The following KIAA1755 variants were observed in gnomAD, a reference collection of about 807,000 sequenced individuals.
KIAA1755 encodes uncharacterized protein KIAA1755.
In KIAA1755, 68 loss-of-function variants were observed where a neutral mutation model predicts 91.7. That is an observed-to-expected ratio of 0.74 (90% CI 0.61 to 0.91). The LOEUF is 0.91. Among genes scored for constraint, KIAA1755 ranks in the 40% least tolerant of loss-of-function variants. The pLI is 0.00. For missense variants in KIAA1755, 1,535 were observed against 1,494.4 expected, an observed-to-expected ratio of 1.03 and a Z score of -0.45; for synonymous variants, 610 against 604.6, an observed-to-expected ratio of 1.01 and a Z score of -0.13.
At chr20:38,222,390 C>T in intron 10 of KIAA1755, 59 bp downstream of exon 10, 2 of 1,568,778 alleles carry the variant, frequency 1.3e-6, no homozygotes, top group Non-Finnish European at 8.7e-7. Flanking sequence ...GGTCCCAGCT[C>T]CAAGCTCCTG....
rs761836523 is a variant in KIAA1755, at chr20:38,213,223, C to A, written c.3422G>T (p.Gly1141Val). The change falls in exon 14 of 14, where the codon GGC (glycine) becomes GTC (valine). Residue 1141 changes from glycine to valine, a missense_variant. Physicochemically the swap from Gly to Val is moderately radical, Grantham distance 109. Coordinates refer to ENST00000279024, the MANE Select transcript of KIAA1755 (RefSeq NM_001029864.2). Reference protein sequence around the residue: ...GQAAEAEDGKGSHKLPDPARE... With the variant: ...GQAAEAEDGKVSHKLPDPARE... Reference sequence around the variant, plus strand: ...GGCAGGGTCAGGCAGCTTGTGGGAGCCTTTGCCGTCTTCAGCCTCTGCAGC... The same window carrying A: ...GGCAGGGTCAGGCAGCTTGTGGGAGACTTTGCCGTCTTCAGCCTCTGCAGC... The A allele has an allele frequency of 5.6e-6, 9 of 1,613,026 alleles. No homozygotes were observed. Among genetic ancestry groups the A allele is most frequent in the African/African-American group, 5.3e-5 (4 of 74,944 alleles).
At chr20:38,242,340 T>G (rs1286949303) in intron 2 of KIAA1755, among the ~76,000 whole-genome samples, 1 of 152,216 alleles carries the variant, frequency 6.6e-6, no homozygotes, top group Admixed American at 6.5e-5. Context: ...TTGTGCAAAT[T>G]GCTTAACTTC....
chr20:38,239,518 C>T lies in KIAA1755; in HGVS notation c.1747+10G>A, dbSNP rs771279668. ...CCTCCCTACCACCTCCTGCTTGAAT[C>T]CCCTGGAACCTGGCAGGCATGCTAT... On this transcript the variant is annotated intron_variant, in intron 4 of 13. Coordinates refer to ENST00000279024, the MANE Select transcript of KIAA1755 (RefSeq NM_001029864.2). 4 of 1,613,204 alleles carry T rather than the reference C, an allele frequency of 2.5e-6. No individual in the cohort carries two copies. Among genetic ancestry groups the T allele is most frequent in the East Asian group, 2.2e-5 (1 of 44,824 alleles).
intron 3 of KIAA1755, 21 bp from the exon 4 acceptor site, chr20:38,239,746 A>G (rs1172925184): frequency 6.2e-7 from 1 of 1,606,240 alleles, no homozygotes; most frequent in South Asian, 1.1e-5. Context: ...GCAACAACAA[A>G]GAAAAGGACG....
At position 38,217,458 on chromosome 20, in the gene KIAA1755, C is replaced by T. The variant is rs756831857; in HGVS notation, c.2696G>A (p.Gly899Asp). The change falls in exon 13 of 14, where the codon GGC becomes GAC. Residue 899 changes from glycine to aspartate, a missense_variant. Physicochemically the swap from Gly to Asp is moderately conservative, Grantham distance 94. Coordinates refer to ENST00000279024, the MANE Select transcript of KIAA1755 (RefSeq NM_001029864.2). Reference protein sequence around the residue: ...FLQAAAQYRRGLELSKQAAQL... With the variant: ...FLQAAAQYRRDLELSKQAAQL... Reference sequence around the variant, plus strand: ...AGCGGCCTGCTTGGACAGCTCCAGGCCTCGGCGGTACTGGGCCTGAGAGGG... The same window carrying T: ...AGCGGCCTGCTTGGACAGCTCCAGGTCTCGGCGGTACTGGGCCTGAGAGGG... The T allele has an allele frequency of 6.2e-6, 10 of 1,608,688 alleles. No individual in the cohort carries two copies. In the Admixed American group the frequency reaches 1.7e-4, roughly 27 times the overall value.
chr20:38,236,857 A>C (rs2123201442), intron 4 of KIAA1755: 1 of 152,284 alleles, frequency 6.6e-6, no homozygotes, highest in Middle Eastern at 3.4e-3. Context: ...ACGGGGGCCT[A>C]GAATAGCTCA....
At position 38,212,720 on chromosome 20, in the gene KIAA1755, C is replaced by T. The variant is rs541279585; in HGVS notation, c.*322G>A. On this transcript the variant is annotated 3_prime_UTR_variant, in exon 14 of 14. Coordinates refer to ENST00000279024, the MANE Select transcript of KIAA1755 (RefSeq NM_001029864.2). ...CTGCAGGTGGGTGTCTGCCTGCCTG[C>T]GAGCGAGACCTCTGGAGGGGTCTGT... 6 of 232,346 alleles carry T rather than the reference C, an allele frequency of 2.6e-5. No individual in the cohort carries two copies. The highest frequency in any genetic ancestry group is 1.4e-4 in the South Asian group (1 of 7,244). 14.4% of individuals were successfully genotyped at this position (232,346 alleles called of 1,614,324 possible). A position where few individuals can be genotyped will look rare whatever the true frequency, so the allele number is the denominator to read the frequency against.
rs772495335 is a variant in KIAA1755 at position 38,213,152 on chromosome 20, TG to T, written c.3492del (p.Arg1165GlyfsTer38). ...GTGAGGCGAGGGACCTGGCTCTGCC[TG>T]GGGGGCTGCTGCCGGAAGAAGGTGG... ...LATTFFRQQP[P>X]RQSQVPRLTG... On this transcript the variant is annotated frameshift_variant, in exon 14 of 14. Transcript: ENST00000279024. LOFTEE classifies it high-confidence loss of function. 5.6e-6 allele frequency: 9 copies of T among 1,613,400 alleles called. No homozygotes were observed. Among genetic ancestry groups the T allele is most frequent in the Non-Finnish European group, 7.6e-6 (9 of 1,179,784 alleles).
intron 12 of KIAA1755, chr20:38,217,693 T>A: frequency 1.7e-6 from 1 of 586,254 alleles, no homozygotes; most frequent in South Asian, 2.1e-5. Context: ...CTTCTGGAAG[T>A]CTCCAGGCCC....
Position 38,246,120 on chromosome 20 carries a change from G to A in KIAA1755, c.10C>T (p.Pro4Ser). Residue 4 changes from proline to serine, a missense_variant, in exon 2 of 14, where the codon CCA (proline) becomes TCA (serine). Transcript: ENST00000279024. ...TGCTGGATGGCTGTGTCGAGGGATG[G>A]AGGGTCCTGTGGGGGACAGGAGGAG... MDP[P>S]SLDTAIQHAL... The A allele has an allele frequency of 6.2e-7, 1 of 1,612,984 alleles. No homozygotes were observed. Among genetic ancestry groups the A allele is most frequent in the South Asian group, 1.1e-5 (1 of 91,008 alleles).
chr20:38,222,852 C>T (rs1010710074), intron 9 of KIAA1755: 10 of 573,874 alleles, frequency 1.7e-5, no homozygotes, highest in African/African-American at 1.7e-4. Context: ...CCCTGCTGCC[C>T]TCTGGCTCCC....
At chr20:38,218,643 G>C (rs2075597900) in intron 11 of KIAA1755, among the ~76,000 whole-genome samples, 1 of 152,228 alleles carries the variant, frequency 6.6e-6, no homozygotes, top group Non-Finnish European at 1.5e-5. Context: ...GAAGGCACAG[G>C]GTGGTGAACT....
At position 38,252,446 on chromosome 20, in the gene KIAA1755, G is replaced by A. The variant is rs542980574; in HGVS notation, c.4-6320C>T. ...CACAACGATGCCAGGAGCCAAGTAG[G>A]AATGACCCGTTTTGCAAGTCAAGAA... On this transcript the variant is annotated intron_variant, in intron 1 of 13. Coordinates refer to ENST00000279024, the MANE Select transcript of KIAA1755 (RefSeq NM_001029864.2). Among the ~76,000 whole-genome samples, 3 of 152,198 alleles carry A rather than the reference G, an allele frequency of 2.0e-5. No homozygotes were observed. The South Asian group carries it at 6.2e-4, about 32-fold the overall frequency.
chr20:38,221,471 T>C (rs572297514), intron 10 of KIAA1755, among the ~76,000 whole-genome samples: 9 of 152,154 alleles, frequency 5.9e-5, no homozygotes, highest in Non-Finnish European at 1.2e-4. Context: ...TCAAGTCTAG[T>C]GCAGCTCTGG....
At chr20:38,242,402 T>C (rs985259891) in intron 2 of KIAA1755, among the ~76,000 whole-genome samples, 1 of 152,244 alleles carries the variant, frequency 6.6e-6, no homozygotes, top group Non-Finnish European at 1.5e-5. Context: ...CATGTCAGTA[T>C]TACTGGGTTG....
In KIAA1755 at chr20:38,213,516, C is replaced by G; in HGVS notation, c.3129G>C (p.Glu1043Asp). 1.2e-6 allele frequency: 2 copies of G among 1,610,540 alleles called. No individual in the cohort carries two copies. Among genetic ancestry groups the G allele is most frequent in the Non-Finnish European group, 1.7e-6 (2 of 1,178,972 alleles). Reference protein sequence around the residue: ...LWEEARIRHEEIRMLLEKALT... With the variant: ...LWEEARIRHEDIRMLLEKALT... ...GTGCCTTCTCCAGGAGCATCCGGATCTCCTCATGCCTGATCCGGGCCTCCT... is the reference window on the plus strand; with the variant it reads ...GTGCCTTCTCCAGGAGCATCCGGATGTCCTCATGCCTGATCCGGGCCTCCT... The change falls in exon 14 of 14, where the codon GAG becomes GAC. Residue 1043 changes from glutamate to aspartate, a missense_variant. Glu to Asp is a conservative substitution (Grantham distance 45). Transcript: ENST00000279024.
chr20:38,228,237 A>AG lies in KIAA1755; in HGVS notation c.1874dup (p.Glu626Ter). ...CCGCCAGCCCCTTGGCTTTATCTTC[A>AG]GGCCTGTGGGTGGTAAACAGAATTG... On this transcript the variant is annotated frameshift_variant, in exon 6 of 14. Coordinates refer to ENST00000279024, the MANE Select transcript of KIAA1755 (RefSeq NM_001029864.2). LOFTEE classifies it high-confidence loss of function. 1 of 1,597,180 alleles carries AG rather than the reference A, an allele frequency of 6.3e-7. No individual in the cohort carries two copies. Among genetic ancestry groups the AG allele is most frequent in the Non-Finnish European group, 8.5e-7 (1 of 1,172,864 alleles).
At chr20:38,246,339 C>T (rs2076160552) in intron 1 of KIAA1755, among the ~76,000 whole-genome samples, 1 of 152,208 alleles carries the variant, frequency 6.6e-6, no homozygotes, top group South Asian at 2.1e-4. Context: ...GGGGCCTTTG[C>T]ACTGGCTGTT....
intron 13 of KIAA1755, chr20:38,216,919 A>G: frequency 1.8e-6 from 1 of 547,302 alleles, no homozygotes; most frequent in Admixed American, 2.2e-5. Context: ...TTGGGGAAGC[A>G]TATAAGGCAT....
Sources: allele counts gnomAD v4.1 joint callset (sites outside exome capture counted in the v4.1 genomes callset), GRCh38; gene constraint gnomAD v4.1.1; transcripts MANE v1.5; gene names NCBI Gene and HGNC (gene_info 2026-07-23, HGNC 2026-07-21).